The following NLRP11 variants were observed in gnomAD, a reference collection of about 807,000 sequenced individuals.
NLRP11 encodes the protein NLR family pyrin domain containing 11, also known as NACHT, LRR and PYD domains-containing protein 11.
A neutral mutation model predicts 79.3 loss-of-function variants in NLRP11; 53 were observed. The observed-to-expected ratio is 0.67, with a 90% CI of 0.54 to 0.84. The LOEUF is 0.84. Ranked by LOEUF, NLRP11 falls within the 40% of genes least tolerant of loss-of-function variation. The probability of loss-of-function intolerance (pLI) is 0.00; values close to 1 mark genes in which losing one functional copy is unlikely to be tolerated. For synonymous variants in NLRP11, 518 were observed against 462.6 expected (o/e 1.12, Z -1.54); for missense variants, 1,264 against 1,255.0 (o/e 1.01, Z -0.11).
In NLRP11 at chr19:55,821,213, A is replaced by T. The variant is rs112456064; in HGVS notation, c.-62-2977T>A. On this transcript the variant is annotated intron_variant, in intron 1 of 9. Coordinates refer to ENST00000589093, the Ensembl canonical transcript of NLRP11. The stretch of plus-strand genomic sequence containing the variant: ...AGCTCTCTCTCTCTCTCTCACACAC[A>T]CACACACACACACACACACACACAC... Among the ~76,000 whole-genome samples, 502 of 98,750 alleles carry T rather than the reference A, an allele frequency of 5.1e-3. 2 individuals carry two copies. Among genetic ancestry groups the T allele is most frequent in the African/African-American group, 0.026 (365 of 13,848 alleles). The allele number at this position is 98,750 out of a possible 152,430, so 64.8% of individuals were successfully genotyped here. A position where few individuals can be genotyped will look rare whatever the true frequency, so the allele number is the denominator to read the frequency against.
intron 6 of NLRP11, among the ~76,000 whole-genome samples, chr19:55,792,883 G>C (rs1046885297): frequency 1.3e-5 from 2 of 152,108 alleles, no homozygotes; most frequent in African/African-American, 4.8e-5. Context: ...TTTTAAACTG[G>C]GAAAAAGTGG....
At chr19:55,808,946 T>C (rs775226313) in exon 3 of NLRP11, 33 of 1,614,008 alleles carry the variant, frequency 2.0e-5, no homozygotes, top group Middle Eastern at 1.6e-4. Context: ...CACAAATTCT[T>C]CTTCCCGATT....
At chr19:55,801,319 G>C (rs1979452107) in intron 5 of NLRP11, 1 of 442,236 alleles carries the variant, frequency 2.3e-6, no homozygotes, top group Admixed American at 3.5e-5. Flanking sequence ...AGAATGACCA[G>C]AGGAATTAGA....
chr19:55,817,999 G>C (rs530852675), exon 2 of NLRP11: 2 of 1,613,696 alleles, frequency 1.2e-6, no homozygotes, highest in East Asian at 2.2e-5. Context: ...TCCCTCATAA[G>C]AGATTGGCAA....
At chr19:55,811,642 T>A (rs1474951017) in intron 2 of NLRP11, among the ~76,000 whole-genome samples, 1 of 152,172 alleles carries the variant, frequency 6.6e-6, no homozygotes, top group African/African-American at 2.4e-5. Context: ...AGACAGGACT[T>A]TCTCCTTACT....
At position 55,788,802 on chromosome 19, in the gene NLRP11, C is replaced by T; in HGVS notation, c.2855+5G>A. 1 of 1,007,696 alleles carries T rather than the reference C, an allele frequency of 9.9e-7. No homozygotes were observed. Among genetic ancestry groups the T allele is most frequent in the Non-Finnish European group, 1.4e-6 (1 of 716,048 alleles). The allele number at this position is 1,007,696 out of a possible 1,614,324, so 62.4% of individuals were successfully genotyped here. On this transcript the variant is annotated splice_donor_5th_base_variant and intron_variant, in intron 9 of 9. Transcript: ENST00000589093. ...CCCCATCACCAAGGAAAATAAGCAACTTACCCAACTACCTTAAGTACACAA... is the reference window on the plus strand; with the variant it reads ...CCCCATCACCAAGGAAAATAAGCAATTTACCCAACTACCTTAAGTACACAA...
chr19:55,835,957 C>T (rs1004978328), upstream of NLRP11, among the ~76,000 whole-genome samples: 2 of 152,230 alleles, frequency 1.3e-5, no homozygotes, highest in African/African-American at 4.8e-5. Flanking sequence ...AAGCCCGTCT[C>T]TACTGAAAAT....
rs1982402638 is a variant in NLRP11 at position 55,828,092 on chromosome 19, AATG to A, written c.-63+3868_-63+3870del. Reference sequence around the variant, plus strand: ...CATGGAATACTATGCAGCCATAAAAAATGATGAGTTCATGTCCTTTGTAGGGAC... The same window carrying A: ...CATGGAATACTATGCAGCCATAAAAAATGAGTTCATGTCCTTTGTAGGGAC... On this transcript the variant is annotated intron_variant, in intron 1 of 9. Transcript: ENST00000589093. 1.0e-4 allele frequency among the ~76,000 whole-genome samples: 15 copies of A among 150,304 alleles called. 1 individual carries two copies. The South Asian group carries it at 3.2e-3, about 32-fold the overall frequency.
upstream of NLRP11, among the ~76,000 whole-genome samples, chr19:55,835,270 C>G (rs1436145239): frequency 1.3e-5 from 2 of 152,246 alleles, no homozygotes; most frequent in African/African-American, 4.8e-5. Flanking sequence ...GGCGTGAACC[C>G]AGAAGATGAC....
intron 1 of NLRP11, among the ~76,000 whole-genome samples, chr19:55,829,391 A>AT: frequency 6.6e-6 from 1 of 152,076 alleles, no homozygotes; most frequent in Middle Eastern, 3.4e-3. Context: ...TAGGCTGGGC[A>AT]GGGTGGCTCA....
At position 55,818,052 on chromosome 19, in the gene NLRP11, CTG is replaced by C; in HGVS notation, c.121_122del (p.Gln41ValfsTer13). On this transcript the variant is annotated frameshift_variant, in exon 2 of 10. Transcript: ENST00000589093. LOFTEE classifies it high-confidence loss of function. ...CTTTTGTCATCTGTATCAGTGGAAA[CTG>C]TGGCAGTTTGAAATCAAGAATCTTG... 2 of 1,614,132 alleles carry C rather than the reference CTG, an allele frequency of 1.2e-6. No individual in the cohort carries two copies. Among genetic ancestry groups the C allele is most frequent in the Non-Finnish European group, 1.7e-6 (2 of 1,180,002 alleles).
chr19:55,815,517 A>G (rs570976691), intron 2 of NLRP11, among the ~76,000 whole-genome samples: 40 of 141,440 alleles, frequency 2.8e-4, no homozygotes, highest in African/African-American at 1.0e-3. Flanking sequence ...CAATGGAACA[A>G]GACTCCATCT....
chr19:55,791,342 A>G (rs1317255220), intron 7 of NLRP11, among the ~76,000 whole-genome samples: 1 of 152,222 alleles, frequency 6.6e-6, no homozygotes, highest in Non-Finnish European at 1.5e-5. Context: ...CTGCCTTGTC[A>G]AAGGAAGCAA....
exon 6 of NLRP11, chr19:55,796,198 G>A (rs529110430): frequency 6.2e-7 from 1 of 1,613,806 alleles, no homozygotes; most frequent in East Asian, 2.2e-5. Flanking sequence ...CCACTGATGA[G>A]GAGAGAGGCG....
upstream of NLRP11, among the ~76,000 whole-genome samples, chr19:55,833,961 AT>A (rs1309442608): frequency 1.5e-3 from 231 of 151,340 alleles, 4 homozygotes; most frequent in Admixed American, 0.015. Flanking sequence ...AAAAAAAAAA[AT>A]GGATCCCTTC....
rs1286137723 is a variant in NLRP11 at position 55,792,477 on chromosome 19, C to G, written c.2343-6G>C. 3 of 1,613,146 alleles carry G rather than the reference C, an allele frequency of 1.9e-6. No homozygotes were observed. Among genetic ancestry groups the G allele is most frequent in the Non-Finnish European group, 1.7e-6 (2 of 1,179,336 alleles). On this transcript the variant is annotated splice_region_variant and splice_polypyrimidine_tract_variant and intron_variant, in intron 6 of 9. Coordinates refer to ENST00000589093, the Ensembl canonical transcript of NLRP11. Reference sequence around the variant, plus strand: ...TGAGACAGCAGAAGACTAACCTGCACACAGAGAAGAGTGAGTCAGTGACAG... The same window carrying G: ...TGAGACAGCAGAAGACTAACCTGCAGACAGAGAAGAGTGAGTCAGTGACAG...
intron 1 of NLRP11, among the ~76,000 whole-genome samples, chr19:55,821,241 ACACACACAC>A (rs759654375): frequency 0.022 from 2,766 of 126,936 alleles, 39 homozygotes; most frequent in African/African-American, 0.056. Flanking sequence ...ACACACACAC[ACACACACAC>A]CCCAAGCACT....
rs780035413 is a variant in NLRP11 at position 55,785,801 on chromosome 19, A to G, written c.2926T>C (p.Leu976=). ...GACCAAGTTTCAGACAGAAAGATCA[A>G]ACTGGGTTTTCTTTCCTTTACAGTC... Residue 976 remains leucine, a synonymous_variant, in exon 10 of 10, where the codon TTG becomes CTG. Coordinates refer to ENST00000589093, the Ensembl canonical transcript of NLRP11. The G allele has an allele frequency of 4.3e-6, 7 of 1,613,998 alleles. No individual in the cohort carries two copies. In the Admixed American group the frequency reaches 8.3e-5, roughly 19 times the overall value.
intron 4 of NLRP11, among the ~76,000 whole-genome samples, chr19:55,802,526 T>C (rs186799525): frequency 4.4e-4 from 67 of 152,090 alleles, no homozygotes; most frequent in African/African-American, 1.6e-3. Flanking sequence ...CACAAACAAA[T>C]GGAAAAAACA....
Sources: gnomAD v4.1 joint callset for allele counts (sites outside exome capture counted in the v4.1 genomes callset) on GRCh38, gnomAD v4.1.1 for gene constraint, MANE v1.5 for transcripts, NCBI Gene and HGNC (gene_info 2026-07-23, HGNC 2026-07-21) for gene names.